The following CNTNAP2 variants were observed in gnomAD, a reference collection of about 807,000 sequenced individuals.
The protein encoded by CNTNAP2 is contactin-associated protein-like 2.
A neutral mutation model predicts 155.2 loss-of-function variants in CNTNAP2; 98 were observed. That is an observed-to-expected ratio of 0.63 (90% CI 0.54 to 0.75). The LOEUF is 0.75. Among genes scored for constraint, CNTNAP2 ranks in the 30% least tolerant of loss-of-function variants. The probability of loss-of-function intolerance (pLI) is 0.00; values close to 1 mark genes in which losing one functional copy is unlikely to be tolerated. For synonymous variants in CNTNAP2, 651 were observed against 631.2 expected (o/e 1.03, Z -0.47); for missense variants, 1,727 against 1,688.1 (o/e 1.02, Z -0.40).
At chr7:148,030,205 A>G (rs1802449405) in intron 15 of CNTNAP2, among the ~76,000 whole-genome samples, 1 of 152,174 alleles carries the variant, frequency 6.6e-6, no homozygotes, top group African/African-American at 2.4e-5. Flanking sequence ...TGACCTCTCT[A>G]ATTTGAATTA....
chr7:147,235,449 G>A (rs1803779790), intron 8 of CNTNAP2, among the ~76,000 whole-genome samples: 1 of 151,522 alleles, frequency 6.6e-6, no homozygotes, highest in Non-Finnish European at 1.5e-5. Context: ...ACTAATACAG[G>A]TGTTGTGTAC....
intron 9 of CNTNAP2, among the ~76,000 whole-genome samples, chr7:147,379,001 T>C (rs892319167): frequency 2.6e-5 from 4 of 152,026 alleles, no homozygotes; most frequent in African/African-American, 7.2e-5. Context: ...ATTCTCACAA[T>C]AGTGAGTGAG....
chr7:148,106,495 T>TAGATAGATAGATATATATAC (rs1396846974), intron 15 of CNTNAP2, among the ~76,000 whole-genome samples: 1 of 15,894 alleles, frequency 6.3e-5, no homozygotes, highest in African/African-American at 8.1e-5. Flanking sequence ...CACTTTGAGA[T>TAGATAGATAGATATATATAC]ATATATATAT....
chr7:147,256,667 T>C (rs1804335458), intron 8 of CNTNAP2, among the ~76,000 whole-genome samples: 2 of 152,140 alleles, frequency 1.3e-5, no homozygotes, highest in Non-Finnish European at 2.9e-5. Flanking sequence ...ATGACAAATG[T>C]GATCTACATT....
chr7:147,102,055 T>C (rs1800668040), intron 4 of CNTNAP2, among the ~76,000 whole-genome samples: 1 of 152,102 alleles, frequency 6.6e-6, no homozygotes, highest in Non-Finnish European at 1.5e-5. Flanking sequence ...CATTTAACAA[T>C]GTTAATACAA....
At chr7:147,772,290 G>A (rs1016535799) in intron 13 of CNTNAP2, among the ~76,000 whole-genome samples, 9 of 150,566 alleles carry the variant, frequency 6.0e-5, no homozygotes, top group South Asian at 2.1e-4. Context: ...CTGGCATGGC[G>A]CCTGTAATCC....
At chr7:146,715,701 A>C (rs1290678163) in intron 1 of CNTNAP2, among the ~76,000 whole-genome samples, 1 of 152,176 alleles carries the variant, frequency 6.6e-6, no homozygotes, top group Non-Finnish European at 1.5e-5. Context: ...CAGTTTTGTC[A>C]AAAAGAGACT....
chr7:146,440,088 C>T (rs557294834), intron 1 of CNTNAP2, among the ~76,000 whole-genome samples: 6 of 151,766 alleles, frequency 4.0e-5, no homozygotes, highest in African/African-American at 1.2e-4. Context: ...TGTGCCACTG[C>T]ACTGCCCTGT....
At chr7:147,287,480 C>T (rs1805206731) in intron 8 of CNTNAP2, among the ~76,000 whole-genome samples, 2 of 152,054 alleles carry the variant, frequency 1.3e-5, no homozygotes, top group African/African-American at 4.8e-5. Context: ...TTTAGTCAAG[C>T]AAAGAATCTC....
chr7:146,734,976 A>G (rs1345510783), intron 1 of CNTNAP2, among the ~76,000 whole-genome samples: 1 of 152,190 alleles, frequency 6.6e-6, no homozygotes, highest in Non-Finnish European at 1.5e-5. Flanking sequence ...CAGCTAAATG[A>G]ACCGAGAAAG....
At chr7:146,255,146 G>A (rs565543987) in intron 1 of CNTNAP2, among the ~76,000 whole-genome samples, 6 of 152,230 alleles carry the variant, frequency 3.9e-5, no homozygotes, top group Admixed American at 2.0e-4. Flanking sequence ...CAATAATCCC[G>A]TGAATGAACA....
At chr7:146,497,855 T>G (rs1401674371) in intron 1 of CNTNAP2, among the ~76,000 whole-genome samples, 1 of 148,538 alleles carries the variant, frequency 6.7e-6, no homozygotes, top group Non-Finnish European at 1.5e-5. Context: ...AGTAATCATA[T>G]ATATGGTTTA....
chr7:147,685,110 G>A (rs1409362362), intron 13 of CNTNAP2, among the ~76,000 whole-genome samples: 1 of 151,858 alleles, frequency 6.6e-6, no homozygotes, highest in African/African-American at 2.4e-5. Flanking sequence ...AGTGTTTAAA[G>A]CTATAAAAGC....
chr7:147,338,806 A>C (rs752744347), intron 9 of CNTNAP2, among the ~76,000 whole-genome samples: 15 of 152,026 alleles, frequency 9.9e-5, no homozygotes, highest in Non-Finnish European at 2.1e-4. Flanking sequence ...ATATGTATAC[A>C]CATGTGTATG....
chr7:147,800,580 A>G (rs1797968635), intron 13 of CNTNAP2, among the ~76,000 whole-genome samples: 2 of 152,138 alleles, frequency 1.3e-5, no homozygotes, highest in South Asian at 4.1e-4. Context: ...TTAGTCTATC[A>G]TCATCATACC....
chr7:146,417,188 G>A (rs1795949259), intron 1 of CNTNAP2, among the ~76,000 whole-genome samples: 1 of 152,084 alleles, frequency 6.6e-6, no homozygotes, highest in Non-Finnish European at 1.5e-5. Flanking sequence ...AACTGTCACT[G>A]AACCAAAAGA....
intron 8 of CNTNAP2, among the ~76,000 whole-genome samples, chr7:147,214,143 C>T (rs529736882): frequency 6.6e-6 from 1 of 152,128 alleles, no homozygotes; most frequent in Non-Finnish European, 1.5e-5. Context: ...CCATCAGAAA[C>T]ATATAACTTT....
At chr7:146,903,988 T>C (rs574577181) in intron 3 of CNTNAP2, among the ~76,000 whole-genome samples, 2 of 152,316 alleles carry the variant, frequency 1.3e-5, no homozygotes, top group East Asian at 3.9e-4. Flanking sequence ...TACATAATTA[T>C]TATATGTCAA....
chr7:147,501,295 T>C (rs1798807120), intron 11 of CNTNAP2, among the ~76,000 whole-genome samples: 1 of 151,642 alleles, frequency 6.6e-6, no homozygotes, highest in Non-Finnish European at 1.5e-5. Flanking sequence ...GGTGAAAAAC[T>C]GAACGCTTTC....
Sources: allele counts gnomAD v4.1 joint callset (sites outside exome capture counted in the v4.1 genomes callset), GRCh38; gene constraint gnomAD v4.1.1; transcripts MANE v1.5; gene names NCBI Gene and HGNC (gene_info 2026-07-23, HGNC 2026-07-21).